ACOXL: variants seen among roughly 807,000 people sequenced by gnomAD.
ACOXL encodes acyl-coenzyme A oxidase-like protein.
A neutral mutation model predicts 71.9 loss-of-function variants in ACOXL; 70 were observed. That is an observed-to-expected ratio of 0.97 (90% CI 0.80 to 1.19). The LOEUF (loss-of-function observed/expected upper bound fraction) is 1.19, where lower values mean the gene tolerates loss of function less well. Ranked by LOEUF, ACOXL falls within the 50% of genes most tolerant of loss-of-function variation. The probability of loss-of-function intolerance (pLI) is 0.00; values close to 1 mark genes in which losing one functional copy is unlikely to be tolerated. For missense variants in ACOXL, 703 were observed against 736.3 expected, an observed-to-expected ratio of 0.95 and a Z score of 0.52; for synonymous variants, 253 against 281.6, an observed-to-expected ratio of 0.90 and a Z score of 1.02.
chr2:110,879,496 G>A (rs529215225), intron 10 of ACOXL, among the ~76,000 whole-genome samples: 31 of 152,310 alleles, frequency 2.0e-4, no homozygotes, highest in African/African-American at 7.2e-4. Flanking sequence ...TCCCGGAAAA[G>A]AACTGAAGAA....
At chr2:110,932,123 T>G (rs2060497642) in intron 11 of ACOXL, among the ~76,000 whole-genome samples, 1 of 152,166 alleles carries the variant, frequency 6.6e-6, no homozygotes. Flanking sequence ...AAATATATAT[T>G]GTAATGTGGA....
intron 10 of ACOXL, among the ~76,000 whole-genome samples, chr2:110,854,635 T>G (rs1693025778): frequency 6.6e-6 from 1 of 152,112 alleles, no homozygotes; most frequent in Admixed American, 6.5e-5. Flanking sequence ...CTGAGTAGGT[T>G]TATGGAAGAG....
At chr2:111,044,301 C>T (rs987323046) in intron 15 of ACOXL, among the ~76,000 whole-genome samples, 6 of 152,344 alleles carry the variant, frequency 3.9e-5, no homozygotes, top group African/African-American at 1.2e-4. Context: ...GTGGACACGG[C>T]AGTGGTGTGG....
chr2:110,780,419 T>A (rs893929258), intron 2 of ACOXL, among the ~76,000 whole-genome samples: 2 of 152,190 alleles, frequency 1.3e-5, no homozygotes, highest in South Asian at 2.1e-4. Context: ...AACTACACTT[T>A]AACCACACAG....
chr2:110,899,689 C>T (rs143923091), intron 10 of ACOXL, among the ~76,000 whole-genome samples: 76 of 152,228 alleles, frequency 5.0e-4, no homozygotes, highest in Middle Eastern at 6.8e-3. Context: ...ATTTATGGCT[C>T]CATGTCTCCC....
At chr2:110,831,991 C>T (rs1334806930) in intron 9 of ACOXL, among the ~76,000 whole-genome samples, 3 of 151,854 alleles carry the variant, frequency 2.0e-5, no homozygotes, top group African/African-American at 7.3e-5. Flanking sequence ...AAAATAGAAA[C>T]CAGCCTGAGC....
chr2:110,915,421 TATATA>T (rs1409378780), intron 11 of ACOXL, among the ~76,000 whole-genome samples: 7 of 132,196 alleles, frequency 5.3e-5, no homozygotes, highest in South Asian at 2.4e-4. Flanking sequence ...TATATATATA[TATATA>T]TATTTTTTTT....
chr2:110,769,226 AAAAGAAAG>A (rs10599265), intron 2 of ACOXL, among the ~76,000 whole-genome samples: 6,249 of 148,690 alleles, frequency 0.042, 173 homozygotes, highest in South Asian at 0.088. Flanking sequence ...GCCTCATGAA[AAAAGAAAG>A]AAAGAAAGAA....
chr2:110,897,386 T>A (rs1031071685), intron 10 of ACOXL, among the ~76,000 whole-genome samples: 15 of 152,322 alleles, frequency 9.8e-5, no homozygotes, highest in Admixed American at 8.5e-4. Flanking sequence ...TTTCTTATAG[T>A]TCTGGAGACT....
intron 14 of ACOXL, 60 bp from the exon 15 acceptor site, chr2:111,031,561 CTTGCTA>C (rs2065269156): frequency 2.1e-5 from 30 of 1,440,908 alleles, no homozygotes; most frequent in Non-Finnish European, 2.9e-5. Context: ...TGCCGTCTGT[CTTGCTA>C]TTAAGTTAGA....
chr2:110,951,429 A>G (rs909119122), intron 12 of ACOXL, among the ~76,000 whole-genome samples: 1 of 152,152 alleles, frequency 6.6e-6, no homozygotes, highest in Admixed American at 6.5e-5. Flanking sequence ...AATCATTTAC[A>G]TTTGTTTCTT....
In ACOXL at chr2:111,117,810, G is replaced by C. The variant is rs1487629544; in HGVS notation, c.1737G>C (p.Lys579Asn). 7.8e-6 allele frequency: 12 copies of C among 1,547,818 alleles called. No individual in the cohort carries two copies. Among genetic ancestry groups the C allele is most frequent in the African/African-American group, 1.4e-5 (1 of 72,990 alleles). The change falls in exon 18 of 18, where the codon AAG becomes AAC. Residue 579 changes from lysine (K) to asparagine (N), a missense_variant. Physicochemically the swap from Lys to Asn is moderately conservative, Grantham distance 94. Coordinates refer to ENST00000439055, the MANE Select transcript of ACOXL (RefSeq NM_001142807.4). ...CCCGGCGGCCCAAGCTGGGAGCCAA[G>C]CTCTAACGGGTGTGGCGGGAAGTGT... ...ARSRRPKLGA[K>N]L is the part of the protein sequence containing the mutation.
intron 11 of ACOXL, among the ~76,000 whole-genome samples, chr2:110,922,957 A>G (rs1355867643): frequency 6.6e-6 from 1 of 152,040 alleles, no homozygotes; most frequent in Non-Finnish European, 1.5e-5. Context: ...TGCACCCTCC[A>G]TGGTCTCTGG....
At chr2:110,822,398 T>A (rs1688722598) in intron 9 of ACOXL, among the ~76,000 whole-genome samples, 1 of 152,150 alleles carries the variant, frequency 6.6e-6, no homozygotes, top group Non-Finnish European at 1.5e-5. Context: ...TATGTTTACT[T>A]AATTATTCAG....
At chr2:110,907,151 C>T (rs780780583) in intron 10 of ACOXL, among the ~76,000 whole-genome samples, 51 of 152,166 alleles carry the variant, frequency 3.4e-4, no homozygotes, top group African/African-American at 1.0e-3. Flanking sequence ...CTGGTGAGGG[C>T]GCTTTTCCTG....
At chr2:110,961,658 A>G (rs1574293789) in intron 12 of ACOXL, among the ~76,000 whole-genome samples, 1 of 152,212 alleles carries the variant, frequency 6.6e-6, no homozygotes, top group African/African-American at 2.4e-5. Flanking sequence ...GAGGTGCTGT[A>G]TTAGTCTGTT....
chr2:110,967,779 C>T, intron 12 of ACOXL: 1 of 658,958 alleles, frequency 1.5e-6, no homozygotes, highest in Non-Finnish European at 2.7e-6. Context: ...AAAACAGGCA[C>T]TGCTGGGCCT....
chr2:110,992,004 C>T (rs1393875767), intron 13 of ACOXL, among the ~76,000 whole-genome samples: 1 of 152,226 alleles, frequency 6.6e-6, no homozygotes, highest in East Asian at 1.9e-4. Context: ...TGTTCCCCAA[C>T]TGGCCACAAA....
At chr2:110,758,491 C>A (rs1217956945) in intron 1 of ACOXL, among the ~76,000 whole-genome samples, 1 of 152,100 alleles carries the variant, frequency 6.6e-6, no homozygotes, top group African/African-American at 2.4e-5. Flanking sequence ...GCAGTATGGC[C>A]ATTCTCTGAT....
Sources: gnomAD v4.1 joint callset for allele counts (sites outside exome capture counted in the v4.1 genomes callset) on GRCh38, gnomAD v4.1.1 for gene constraint, MANE v1.5 for transcripts, NCBI Gene and HGNC (gene_info 2026-07-23, HGNC 2026-07-21) for gene names.